FHIP1A: variants seen among roughly 807,000 people sequenced by gnomAD.
The protein encoded by FHIP1A is FHF complex subunit HOOK-interacting protein 1A.
Under a neutral mutation model 88.6 loss-of-function variants are expected in FHIP1A, and 61 were observed. That is an observed-to-expected ratio of 0.69 (90% confidence interval 0.56 to 0.85). The LOEUF is 0.85. Ranked by LOEUF, FHIP1A falls within the 40% of genes least tolerant of loss-of-function variation. FHIP1A has a pLI of 0.00. For synonymous variants in FHIP1A, 478 were observed against 496.0 expected (o/e 0.96, Z 0.48); for missense variants, 1,154 against 1,273.5 (o/e 0.91, Z 1.43).
At chr4:151,519,343 G>A (rs537327791) in intron 3 of FHIP1A, among the ~76,000 whole-genome samples, 2 of 152,108 alleles carry the variant, frequency 1.3e-5, no homozygotes, top group East Asian at 1.9e-4. Context: ...CATACAATAT[G>A]TACTTCTTTA....
chr4:151,452,699 C>G (rs938864917), intron 1 of FHIP1A, among the ~76,000 whole-genome samples: 3 of 151,862 alleles, frequency 2.0e-5, no homozygotes, highest in South Asian at 2.1e-4. Flanking sequence ...ATTGCTTGAA[C>G]CCAGTAGGCA....
At chr4:151,520,112 A>G (rs1398682338) in intron 3 of FHIP1A, among the ~76,000 whole-genome samples, 1 of 151,966 alleles carries the variant, frequency 6.6e-6, no homozygotes, top group Non-Finnish European at 1.5e-5. Flanking sequence ...TATTTTTCTT[A>G]TATTATTGCT....
At chr4:151,474,654 G>A (rs879340294) in intron 2 of FHIP1A, among the ~76,000 whole-genome samples, 2 of 152,176 alleles carry the variant, frequency 1.3e-5, no homozygotes, top group East Asian at 1.9e-4. Context: ...TGGCTAGTCC[G>A]CTGGGAAATG....
chr4:151,461,100 T>G (rs1729129075), intron 2 of FHIP1A, among the ~76,000 whole-genome samples: 1 of 152,084 alleles, frequency 6.6e-6, no homozygotes, highest in Admixed American at 6.6e-5. Flanking sequence ...AATAGGAAAG[T>G]GTGCCCAGCT....
At chr4:151,565,751 C>T (rs771145077) in intron 3 of FHIP1A, among the ~76,000 whole-genome samples, 2 of 151,414 alleles carry the variant, frequency 1.3e-5, no homozygotes, top group Non-Finnish European at 2.9e-5. Flanking sequence ...AAAATAATTG[C>T]GGTTTTTGCC....
intron 3 of FHIP1A, among the ~76,000 whole-genome samples, chr4:151,509,223 C>T (rs986039189): frequency 1.2e-4 from 19 of 152,108 alleles, no homozygotes; most frequent in African/African-American, 3.9e-4. Context: ...AGTGCAGTGG[C>T]GTGATCTCGG....
At chr4:151,546,328 G>T (rs1382911786) in intron 3 of FHIP1A, among the ~76,000 whole-genome samples, 3 of 152,170 alleles carry the variant, frequency 2.0e-5, no homozygotes, top group Non-Finnish European at 2.9e-5. Flanking sequence ...GGCTTTCCTG[G>T]TTCTGAGGCT....
At chr4:151,506,811 C>T (rs2126671433) in intron 3 of FHIP1A, among the ~76,000 whole-genome samples, 1 of 152,182 alleles carries the variant, frequency 6.6e-6, no homozygotes, top group Non-Finnish European at 1.5e-5. Context: ...TATCACATGC[C>T]TTCAAAGAGT....
intron 2 of FHIP1A, among the ~76,000 whole-genome samples, chr4:151,457,299 G>T (rs1170403976): frequency 6.6e-6 from 1 of 152,220 alleles, no homozygotes; most frequent in African/African-American, 2.4e-5. Flanking sequence ...TCTGATATGT[G>T]TGAAGCTATT....
chr4:151,553,119 T>G (rs1732809657), intron 3 of FHIP1A, among the ~76,000 whole-genome samples: 1 of 152,196 alleles, frequency 6.6e-6, no homozygotes, highest in African/African-American at 2.4e-5. Context: ...ATGGAGAAGA[T>G]GAACATGATC....
intron 2 of FHIP1A, among the ~76,000 whole-genome samples, chr4:151,469,836 G>A (rs982727922): frequency 1.3e-5 from 2 of 152,066 alleles, no homozygotes; most frequent in African/African-American, 4.8e-5. Context: ...TATATTTTAG[G>A]ATGTCGGGTC....
At chr4:151,462,157 T>A (rs1172401810) in intron 2 of FHIP1A, among the ~76,000 whole-genome samples, 1 of 152,106 alleles carries the variant, frequency 6.6e-6, no homozygotes, top group Non-Finnish European at 1.5e-5. Flanking sequence ...TGAGACCCTG[T>A]CTCTAAAAAA....
chr4:151,507,298 A>AT (rs1450255009), intron 3 of FHIP1A, among the ~76,000 whole-genome samples: 2 of 152,036 alleles, frequency 1.3e-5, no homozygotes, highest in Admixed American at 1.3e-4. Flanking sequence ...TAATTTTTAA[A>AT]TTTTTTGTAG....
intron 3 of FHIP1A, among the ~76,000 whole-genome samples, chr4:151,536,835 T>G (rs1560754937): frequency 1.3e-5 from 2 of 152,166 alleles, no homozygotes; most frequent in Non-Finnish European, 2.9e-5. Context: ...AGCAGGTCAG[T>G]TGCTGGATTG....
intron 7 of FHIP1A, among the ~76,000 whole-genome samples, chr4:151,614,339 T>C (rs912146321): frequency 6.6e-6 from 1 of 151,690 alleles, no homozygotes; most frequent in Non-Finnish European, 1.5e-5. Context: ...TGTGGTGGCA[T>C]GCACCTGTAG....
chr4:151,608,627 G>C (rs149433028), intron 7 of FHIP1A, among the ~76,000 whole-genome samples: 1 of 152,140 alleles, frequency 6.6e-6, no homozygotes, highest in Non-Finnish European at 1.5e-5. Context: ...CGGCACTTCT[G>C]CTATTAATGC....
intron 3 of FHIP1A, among the ~76,000 whole-genome samples, chr4:151,504,648 G>A (rs1052370503): frequency 4.0e-5 from 6 of 150,992 alleles, no homozygotes; most frequent in Admixed American, 3.9e-4. Context: ...TTGAGACGGA[G>A]TCTTGTTCTG....
intron 7 of FHIP1A, among the ~76,000 whole-genome samples, chr4:151,589,564 C>T (rs958544429): frequency 3.3e-5 from 5 of 152,062 alleles, no homozygotes; most frequent in African/African-American, 7.2e-5. Context: ...AGTAAAGAGA[C>T]GTGTGCAGTA....
At chr4:151,609,584 T>TA (rs398108131) in intron 7 of FHIP1A, among the ~76,000 whole-genome samples, 1 of 152,058 alleles carries the variant, frequency 6.6e-6, no homozygotes, top group East Asian at 1.9e-4. Context: ...TCTTTTTTTT[T>TA]AAAGAATATC....
Sources: allele counts gnomAD v4.1 joint callset (sites outside exome capture counted in the v4.1 genomes callset), GRCh38; gene constraint gnomAD v4.1.1; transcripts MANE v1.5; gene names NCBI Gene and HGNC (gene_info 2026-07-23, HGNC 2026-07-21).